Variants in RBM33 observed in about 807,000 individuals in gnomAD.
RBM33 encodes RNA-binding protein 33.
Under a neutral mutation model 132.6 loss-of-function variants are expected in RBM33, and 28 were observed. That is an observed-to-expected ratio of 0.21 (90% CI 0.16 to 0.29). RBM33 has a LOEUF of 0.29. Ranked by LOEUF, RBM33 falls within the 10% of genes least tolerant of loss-of-function variation. The pLI, the probability that RBM33 is intolerant of heterozygous loss-of-function variation, is 1.00. For missense variants in RBM33, 1,291 were observed against 1,518.5 expected (o/e 0.85, Z 2.49); for synonymous variants, 634 against 593.0 (o/e 1.07, Z -1.01).
intron 3 of RBM33, among the ~76,000 whole-genome samples, chr7:155,673,798 A>ACCCCCC (rs1554469982): frequency 1.4e-5 from 2 of 144,084 alleles, no homozygotes; most frequent in African/African-American, 5.6e-5. Flanking sequence ...ACACACACAC[A>ACCCCCC]CACCCCTACC....
Position 155,774,867 on chromosome 7 carries a change from CT to C in RBM33, c.3465-125del, listed in dbSNP as rs1372247320. 3.4e-6 allele frequency: 3 copies of C among 873,932 alleles called. No homozygotes were observed. The highest frequency in any genetic ancestry group is 2.3e-5 in the Admixed American group (1 of 43,802). 54.1% of individuals were successfully genotyped at this position (873,932 alleles called of 1,614,324 possible). On this transcript the variant is annotated intron_variant, in intron 17 of 17. Coordinates refer to ENST00000401878, the MANE Select transcript of RBM33 (RefSeq NM_053043.3). The surrounding 1 kb of genome is among the most constrained non-coding windows in gnomAD (Gnocchi z 4.2). ...GTTTTAATAGATCTTCCCGGGGAAT[CT>C]GCCTTTTTATATGATGCGTTTTTAT...
At chr7:155,693,107 C>T (rs1799692404) in intron 5 of RBM33, among the ~76,000 whole-genome samples, 1 of 152,076 alleles carries the variant, frequency 6.6e-6, no homozygotes, top group Non-Finnish European at 1.5e-5. Context: ...TATGTAGTTA[C>T]AGATGGAAAT....
intron 16 of RBM33, among the ~76,000 whole-genome samples, chr7:155,773,566 T>TC (rs1481290716): frequency 1.4e-4 from 7 of 50,104 alleles, no homozygotes; most frequent in Admixed American, 3.0e-4. Flanking sequence ...AGACTCCATC[T>TC]CCAAAAAAAA....
chr7:155,687,738 T>A (rs990287276), intron 5 of RBM33, among the ~76,000 whole-genome samples: 11 of 152,240 alleles, frequency 7.2e-5, no homozygotes, highest in African/African-American at 2.4e-4. Context: ...TAGGGGATCC[T>A]TTCCCCATTT....
chr7:155,726,279 A>G (rs1466598770), intron 9 of RBM33, among the ~76,000 whole-genome samples: 1 of 152,180 alleles, frequency 6.6e-6, no homozygotes, highest in Non-Finnish European at 1.5e-5. Flanking sequence ...CTGATAAGTC[A>G]CATAATAGCT....
chr7:155,752,184 G>A (rs956008424), intron 14 of RBM33, among the ~76,000 whole-genome samples: 3 of 152,182 alleles, frequency 2.0e-5, no homozygotes, highest in Admixed American at 6.5e-5. Flanking sequence ...TTCTTTCTCT[G>A]TATGGGCTCT....
Position 155,672,861 on chromosome 7 carries a change from C to G in RBM33, c.123-6C>G, listed in dbSNP as rs754853348. 3 of 1,539,134 alleles carry G rather than the reference C, an allele frequency of 1.9e-6. No individual in the cohort carries two copies. The highest frequency in any genetic ancestry group is 4.9e-5 in the East Asian group (2 of 40,752). Reference sequence around the variant, plus strand: ...TCATTGACATGTCTCTTTTTTTTCTCCCAAGTGAACTTGAAGATGATTTAC... The same window carrying G: ...TCATTGACATGTCTCTTTTTTTTCTGCCAAGTGAACTTGAAGATGATTTAC... On this transcript the variant is annotated splice_region_variant and splice_polypyrimidine_tract_variant and intron_variant, in intron 2 of 17. Coordinates refer to ENST00000401878, the MANE Select transcript of RBM33 (RefSeq NM_053043.3).
chr7:155,659,720 AG>A (rs1482502654), intron 1 of RBM33, among the ~76,000 whole-genome samples: 7 of 152,240 alleles, frequency 4.6e-5, no homozygotes, highest in Admixed American at 3.3e-4. Context: ...TATAGCTAAA[AG>A]ATAGGAATCT....
At chr7:155,673,055 A>G in intron 3 of RBM33, 140 bp downstream of exon 3, 2 of 507,576 alleles carry the variant, frequency 3.9e-6, no homozygotes, top group South Asian at 6.1e-5. Flanking sequence ...TTATTTTTTA[A>G]GTGCGCAGGG....
rs80066491 is a variant in RBM33 at position 155,659,611 on chromosome 7, G to A, written c.44-5564G>A. Among the ~76,000 whole-genome samples, 426 of 152,104 alleles carry A rather than the reference G, an allele frequency of 2.8e-3. 2 individuals carry two copies. Among genetic ancestry groups the A allele is most frequent in the African/African-American group, 9.6e-3 (399 of 41,478 alleles). ...AAGGACCTACGGGACACCACCAAGTGTACTTATATACACATAGGAGACCCA... is the reference window on the plus strand; with the variant it reads ...AAGGACCTACGGGACACCACCAAGTATACTTATATACACATAGGAGACCCA... On this transcript the variant is annotated intron_variant, in intron 1 of 17. Coordinates refer to ENST00000401878, the MANE Select transcript of RBM33 (RefSeq NM_053043.3).
intron 6 of RBM33, among the ~76,000 whole-genome samples, chr7:155,705,023 A>G (rs1028017690): frequency 6.6e-6 from 1 of 152,186 alleles, no homozygotes; most frequent in Non-Finnish European, 1.5e-5. Flanking sequence ...TGTATTCTAT[A>G]TGTATTTCAA....
intron 7 of RBM33, among the ~76,000 whole-genome samples, chr7:155,710,213 A>G (rs944735896): frequency 6.6e-6 from 1 of 152,234 alleles, no homozygotes; most frequent in Admixed American, 6.5e-5. Context: ...GTAGTGGTCT[A>G]CTGCTAATTA....
chr7:155,705,133 G>GA (rs1489246686), intron 6 of RBM33, among the ~76,000 whole-genome samples: 2 of 152,182 alleles, frequency 1.3e-5, no homozygotes, highest in African/African-American at 4.8e-5. Flanking sequence ...TATCTCTTTA[G>GA]AATCTGGACA....
intron 5 of RBM33, among the ~76,000 whole-genome samples, chr7:155,684,478 GGAGAAACATACTAATCAC>G (rs1306325114): frequency 2.0e-5 from 3 of 152,152 alleles, no homozygotes; most frequent in Non-Finnish European, 2.9e-5. Flanking sequence ...GGGGCCTAAT[GGAGAAACATACTAATCAC>G]GATTTTTAAA....
intron 5 of RBM33, among the ~76,000 whole-genome samples, chr7:155,687,699 A>G (rs1486156967): frequency 6.6e-6 from 1 of 152,216 alleles, no homozygotes; most frequent in East Asian, 1.9e-4. Flanking sequence ...ACATATGGCT[A>G]GCCAGTTTTC....
chr7:155,697,582 T>TTGTG (rs142018198), intron 5 of RBM33, among the ~76,000 whole-genome samples: 9 of 150,592 alleles, frequency 6.0e-5, no homozygotes, highest in South Asian at 2.1e-4. Context: ...ATATATAGAT[T>TTGTG]TGTGTGTGTG....
chr7:155,644,661 G>C lies in RBM33; in HGVS notation c.-216G>C, dbSNP rs960928166. 1 of 411,758 alleles carries C rather than the reference G, an allele frequency of 2.4e-6. No homozygotes were observed. The highest frequency in any genetic ancestry group is 4.3e-6 in the Non-Finnish European group (1 of 232,010). 25.5% of individuals were successfully genotyped at this position (411,758 alleles called of 1,614,324 possible). A position where few individuals can be genotyped will look rare whatever the true frequency, so the allele number is the denominator to read the frequency against. On this transcript the variant is annotated 5_prime_UTR_variant, in exon 1 of 18. Transcript: ENST00000401878. ...CCATCATCCCAGGGTGCACCGCGGC[G>C]GGCGCGGGCGCGCGGCCATGTTGCG... is the stretch of plus-strand genomic sequence containing the variant.
intron 9 of RBM33, among the ~76,000 whole-genome samples, chr7:155,718,995 A>G (rs867677492): frequency 1.3e-5 from 2 of 152,206 alleles, no homozygotes; most frequent in Non-Finnish European, 2.9e-5. Flanking sequence ...ATTCACTTAT[A>G]CACACACAGA....
At position 155,774,666 on chromosome 7, in the gene RBM33, G is replaced by A. The variant is rs757281372; in HGVS notation, c.3464+19G>A. The A allele has an allele frequency of 1.7e-5, 27 of 1,605,116 alleles. No homozygotes were observed. The highest frequency in any genetic ancestry group is 2.2e-5 in the Non-Finnish European group (26 of 1,171,850). ...TCCACAGGTGACCAGTGTGTTCTGT[G>A]CTTGTGGTGATAAGGGGGCGGGAGC... is the stretch of plus-strand genomic sequence containing the variant. On this transcript the variant is annotated intron_variant, in intron 17 of 17. Transcript: ENST00000401878. The surrounding 1 kb of genome is among the most constrained non-coding windows in gnomAD (Gnocchi z 4.2).
Sources: gnomAD v4.1 joint callset for allele counts (sites outside exome capture counted in the v4.1 genomes callset) on GRCh38, gnomAD v4.1.1 for gene constraint, Gnocchi (gnomAD v3.1) non-coding constraint, MANE v1.5 for transcripts, NCBI Gene and HGNC (gene_info 2026-07-23, HGNC 2026-07-21) for gene names.